KIF26B: variants seen among roughly 807,000 people sequenced by gnomAD.
KIF26B encodes kinesin family member 26B, also known as kinesin-like protein KIF26B.
In KIF26B, 63 loss-of-function variants were observed where a neutral mutation model predicts 151.2. The ratio of observed to expected loss-of-function variants is 0.42; its 90% CI spans 0.34 to 0.51. The LOEUF (loss-of-function observed/expected upper bound fraction) is 0.51. Ranked by LOEUF, KIF26B falls within the 20% of genes least tolerant of loss-of-function variation. The pLI, the probability that KIF26B is intolerant of heterozygous loss-of-function variation, is 0.07. For synonymous variants in KIF26B, 1,357 were observed against 1,262.1 expected (o/e 1.08, Z -1.59); for missense variants, 2,813 against 2,913.6 (o/e 0.97, Z 0.79).
chr1:245,666,654 C>T (rs1472836929), intron 10 of KIF26B, among the ~76,000 whole-genome samples: 3 of 152,124 alleles, frequency 2.0e-5, no homozygotes, highest in Non-Finnish European at 2.9e-5. Flanking sequence ...TAGGCGGCTG[C>T]TTCCTCGGCA....
chr1:245,533,422 T>A (rs1322949431), intron 4 of KIF26B, among the ~76,000 whole-genome samples: 2 of 152,184 alleles, frequency 1.3e-5, no homozygotes, highest in African/African-American at 4.8e-5. Context: ...CCTCTTAAAT[T>A]TTATAAACAC....
At chr1:245,696,569 G>A (rs2044696431) in intron 12 of KIF26B, among the ~76,000 whole-genome samples, 1 of 151,326 alleles carries the variant, frequency 6.6e-6, no homozygotes, top group African/African-American at 2.4e-5. Context: ...GGAAGCTAGA[G>A]TTGAGGCACA....
At chr1:245,179,771 G>A (rs778324876) in intron 2 of KIF26B, among the ~76,000 whole-genome samples, 1 of 152,198 alleles carries the variant, frequency 6.6e-6, no homozygotes, top group Non-Finnish European at 1.5e-5. Context: ...TAATCCAGGA[G>A]GTGTCAGAAA....
chr1:245,694,700 G>T (rs555449742), intron 12 of KIF26B, among the ~76,000 whole-genome samples: 2 of 152,228 alleles, frequency 1.3e-5, no homozygotes, highest in Admixed American at 6.5e-5. Context: ...GCCAGGCCTG[G>T]AACAGGAGGG....
Position 245,703,545 on chromosome 1 carries a change from G to A in KIF26B, c.*939G>A, listed in dbSNP as rs1210680551. ...TGCCCCCCTCAAGTCCTCCACACAT[G>A]TGGTTCCTTGACCCACAAATCCACA... On this transcript the variant is annotated 3_prime_UTR_variant, in exon 15 of 15. Transcript: ENST00000407071. The A allele has an allele frequency of 6.6e-6, 1 of 152,188 alleles. No homozygotes were observed. Among genetic ancestry groups the A allele is most frequent in the Non-Finnish European group, 1.5e-5 (1 of 68,036 alleles). 9.4% of individuals were successfully genotyped at this position (152,188 alleles called of 1,614,324 possible).
intron 5 of KIF26B, among the ~76,000 whole-genome samples, chr1:245,545,333 C>A (rs1356972483): frequency 6.6e-6 from 1 of 152,110 alleles, no homozygotes; most frequent in African/African-American, 2.4e-5. Flanking sequence ...AACTCCTGAC[C>A]TCCAGTGATC....
chr1:245,174,549 C>T (rs918530961), intron 2 of KIF26B, among the ~76,000 whole-genome samples: 8 of 152,152 alleles, frequency 5.3e-5, no homozygotes, highest in East Asian at 3.8e-4. Flanking sequence ...CTCTGTCATC[C>T]GGGCTGGAGT....
At chr1:245,303,197 CTTTTT>C (rs757473264) in intron 2 of KIF26B, among the ~76,000 whole-genome samples, 2 of 102,604 alleles carry the variant, frequency 1.9e-5, no homozygotes, top group African/African-American at 3.9e-5. Flanking sequence ...ACTAAATGTT[CTTTTT>C]TTTTTTTTTT....
chr1:245,590,602 G>C lies in KIF26B; in HGVS notation c.1351-11975G>C, dbSNP rs868818832. ...AAGTTGGAAGACCTTAGTGTAACCC[G>C]CGTCTATAAAAACTGGGCGTCCAGG... On this transcript the variant is annotated intron_variant, in intron 5 of 14. Transcript: ENST00000407071. Among the ~76,000 whole-genome samples the C allele has an allele frequency of 1.3e-5, 2 of 152,034 alleles. 1 individual carries two copies. The highest frequency in any genetic ancestry group is 2.9e-5 in the Non-Finnish European group (2 of 68,000).
intron 2 of KIF26B, among the ~76,000 whole-genome samples, chr1:245,295,633 C>T (rs1461761380): frequency 6.6e-6 from 1 of 152,080 alleles, no homozygotes; most frequent in Non-Finnish European, 1.5e-5. Flanking sequence ...AAGGAGGTGA[C>T]GAGAGTGAAC....
chr1:245,398,896 T>C (rs779865722), intron 3 of KIF26B, among the ~76,000 whole-genome samples: 107 of 152,106 alleles, frequency 7.0e-4, no homozygotes, highest in Non-Finnish European at 1.2e-3. Flanking sequence ...AACTATTTTT[T>C]CTGGACCATT....
At chr1:245,312,282 T>A (rs1312247510) in intron 2 of KIF26B, among the ~76,000 whole-genome samples, 1 of 152,222 alleles carries the variant, frequency 6.6e-6, no homozygotes, top group Non-Finnish European at 1.5e-5. Flanking sequence ...CCGTGTCAGC[T>A]TGTTGGAGTT....
At chr1:245,465,179 C>T (rs1433196611) in intron 4 of KIF26B, among the ~76,000 whole-genome samples, 1 of 152,150 alleles carries the variant, frequency 6.6e-6, no homozygotes, top group Non-Finnish European at 1.5e-5. Flanking sequence ...GGGGTTTCCC[C>T]ATGTTGGCCA....
chr1:245,461,608 C>T (rs1434690981), intron 4 of KIF26B, among the ~76,000 whole-genome samples: 3 of 152,130 alleles, frequency 2.0e-5, no homozygotes, highest in African/African-American at 4.8e-5. Flanking sequence ...CCTCCAGCTG[C>T]ACCATCCTTC....
At chr1:245,169,716 C>T (rs1267127890) in intron 2 of KIF26B, among the ~76,000 whole-genome samples, 1 of 152,092 alleles carries the variant, frequency 6.6e-6, no homozygotes, top group Non-Finnish European at 1.5e-5. Flanking sequence ...AGTTGCCCGG[C>T]TGTGGGCTTT....
In KIF26B at chr1:245,261,504, CCTCCCT is replaced by C. The variant is rs1350898153; in HGVS notation, c.465+104823_465+104828del. Among the ~76,000 whole-genome samples, 853 of 98,020 alleles carry C rather than the reference CCTCCCT, an allele frequency of 8.7e-3. 9 individuals are homozygous for C. The highest frequency in any genetic ancestry group is 0.023 in the African/African-American group (536 of 23,006). 64.3% of individuals were successfully genotyped at this position (98,020 alleles called of 152,430 possible). A position where few individuals can be genotyped will look rare whatever the true frequency, so the allele number is the denominator to read the frequency against. Reference sequence around the variant, plus strand: ...CTCTCTCTCTCTCTCTCTCTCTCTCCCTCCCTCCCTCCCTCCCTCTCTCTCCCTCTC... The same window carrying C: ...CTCTCTCTCTCTCTCTCTCTCTCTCCCCCTCCCTCCCTCTCTCTCCCTCTC... On this transcript the variant is annotated intron_variant, in intron 2 of 14. Transcript: ENST00000407071.
chr1:245,504,758 C>T (rs1356544869), intron 4 of KIF26B, among the ~76,000 whole-genome samples: 1 of 151,762 alleles, frequency 6.6e-6, no homozygotes, highest in Non-Finnish European at 1.5e-5. Flanking sequence ...CTTTCCCTTC[C>T]TTCTCCTCTT....
At position 245,216,285 on chromosome 1, in the gene KIF26B, CT is replaced by C. The variant is rs1669643207; in HGVS notation, c.465+59604del. ...AACTTCCATTTCTTTAAATAAGCTC[CT>C]TGCAACATCTGATGTATCTGTAACA... On this transcript the variant is annotated intron_variant, in intron 2 of 14. Transcript: ENST00000407071. The C allele has an allele frequency of 3.3e-5, 5 of 151,960 alleles. No individual in the cohort carries two copies. In the South Asian group the frequency reaches 1.0e-3, roughly 32 times the overall value. 9.4% of individuals were successfully genotyped at this position (151,960 alleles called of 1,614,324 possible). A position where few individuals can be genotyped will look rare whatever the true frequency, so the allele number is the denominator to read the frequency against.
chr1:245,496,038 C>T (rs546607760), intron 4 of KIF26B, among the ~76,000 whole-genome samples: 2 of 152,236 alleles, frequency 1.3e-5, no homozygotes, highest in Admixed American at 6.5e-5. Flanking sequence ...AATCCATCAT[C>T]AGTAGACCAA....
Sources: gnomAD v4.1 joint callset for allele counts (sites outside exome capture counted in the v4.1 genomes callset) on GRCh38, gnomAD v4.1.1 for gene constraint, MANE v1.5 for transcripts, NCBI Gene and HGNC (gene_info 2026-07-23, HGNC 2026-07-21) for gene names.